CHI3L1: variants seen among roughly 807,000 people sequenced by gnomAD.
CHI3L1 encodes chitinase-3-like protein 1.
A neutral mutation model predicts 40.7 loss-of-function variants in CHI3L1; 30 were observed. That is an observed-to-expected ratio of 0.74 (90% CI 0.55 to 1.00). The LOEUF is 1.00. Ranked by LOEUF, CHI3L1 falls within the 50% of genes least tolerant of loss-of-function variation. The pLI is 0.00. For synonymous variants in CHI3L1, 210 were observed against 192.1 expected, an observed-to-expected ratio of 1.09 and a Z score of -0.77; for missense variants, 493 against 492.2, an observed-to-expected ratio of 1.00 and a Z score of -0.01.
At chr1:203,181,571 C>A in intron 6 of CHI3L1, 1 of 257,090 alleles carries the variant, frequency 3.9e-6, no homozygotes, top group South Asian at 5.0e-5. Flanking sequence ...TGCCACTGCA[C>A]TCCGGCCTGG....
Position 203,186,318 on chromosome 1 carries a change from C to T in CHI3L1, c.53G>A (p.Cys18Tyr), listed in dbSNP as rs750842129. ...TGFVVLVLLQ[C>Y]CSAYKLVCYY... ...GTGGAGGTGGAGGGATTACTCACAG[C>T]ACTGGAGCAGCACCAGGACCACAAA... Residue 18 changes from cysteine to tyrosine, a missense_variant and splice_region_variant, in exon 2 of 10, where the codon TGC becomes TAC. Coordinates refer to ENST00000255409, the MANE Select transcript of CHI3L1 (RefSeq NM_001276.4). 60 of 1,589,524 alleles carry T rather than the reference C, an allele frequency of 3.8e-5. No individual in the cohort carries two copies. Among genetic ancestry groups the T allele is most frequent in the Non-Finnish European group, 3.6e-5 (42 of 1,167,040 alleles).
In CHI3L1 at chr1:203,179,398, G is replaced by A; in HGVS notation, c.*47C>T. The A allele has an allele frequency of 6.7e-7, 1 of 1,490,552 alleles. No individual in the cohort carries two copies. Among genetic ancestry groups the A allele is most frequent in the African/African-American group, 1.4e-5 (1 of 71,282 alleles). The allele number at this position is 1,490,552 out of a possible 1,614,324, so 92.3% of individuals were successfully genotyped here. A position where few individuals can be genotyped will look rare whatever the true frequency, so the allele number is the denominator to read the frequency against. On this transcript the variant is annotated 3_prime_UTR_variant, in exon 10 of 10. Coordinates refer to ENST00000255409, the MANE Select transcript of CHI3L1 (RefSeq NM_001276.4). The stretch of plus-strand genomic sequence containing the variant: ...AGGCTCCCGGCCAGCTGGAGCCAGA[G>A]GGGGACGGGGCATCCTTGGCCCCCG...
chr1:203,185,466 G>C, intron 2 of CHI3L1, 81 bp from the exon 3 acceptor site: 1 of 1,246,254 alleles, frequency 8.0e-7, no homozygotes, highest in East Asian at 2.3e-5. Flanking sequence ...AGCACCAATG[G>C]GGTGTGGGGT....
chr1:203,185,145 C>T (rs1656028818), intron 3 of CHI3L1, 39 bp downstream of exon 3: 1 of 1,570,594 alleles, frequency 6.4e-7, no homozygotes. Flanking sequence ...TGGGACCAGC[C>T]CAGCTGGTCC....
chr1:203,185,291 G>A lies in CHI3L1; in HGVS notation c.150C>T (p.Leu50=), dbSNP rs867618704. ...CAAAGCTGTAGATGATGTGGGTACA[G>A]AGGAAGCGGTCAAGGGCATCTGGGA... ...SCFPDALDRF[L]CTHIIYSFAN... The change falls in exon 3 of 10, where the codon CTC becomes CTT. Residue 50 remains leucine, a synonymous_variant. Coordinates refer to ENST00000255409, the MANE Select transcript of CHI3L1 (RefSeq NM_001276.4). 6.2e-7 allele frequency: 1 copy of A among 1,614,234 alleles called. No homozygotes were observed. The highest frequency in any genetic ancestry group is 8.5e-7 in the Non-Finnish European group (1 of 1,180,032).
At position 203,184,621 on chromosome 1, in the gene CHI3L1, A is replaced by G; in HGVS notation, c.269T>C (p.Leu90Pro). Reference sequence around the variant, plus strand: ...TCCTCCGACAGACAAGAGAGTCTTCAGGTTGGGGTTCCTGTGGAGCACAGG... The same window carrying G: ...TCCTCCGACAGACAAGAGAGTCTTCGGGTTGGGGTTCCTGTGGAGCACAGG... ...LNTLKNRNPNLKTLLSVGGWN... is the reference protein window; with the variant it reads ...LNTLKNRNPNPKTLLSVGGWN... The change falls in exon 4 of 10, where the codon CTG (leucine) becomes CCG (proline). Residue 90 changes from leucine to proline, a missense_variant. Transcript: ENST00000255409. The G allele has an allele frequency of 6.2e-7, 1 of 1,613,964 alleles. No homozygotes were observed. The highest frequency in any genetic ancestry group is 8.5e-7 in the Non-Finnish European group (1 of 1,179,914).
Position 203,178,983 on chromosome 1 carries a change from G to A in CHI3L1, c.*462C>T, listed in dbSNP as rs1558147033. ...GCAGCTGTGGAATTAGGAAGGGGAA[G>A]TAGGATAGGGGACACGATTACGTTC... On this transcript the variant is annotated 3_prime_UTR_variant, in exon 10 of 10. Transcript: ENST00000255409. 2 of 155,476 alleles carry A rather than the reference G, an allele frequency of 1.3e-5. No homozygotes were observed. Among genetic ancestry groups the A allele is most frequent in the Non-Finnish European group, 2.8e-5 (2 of 70,190 alleles). 9.6% of individuals were successfully genotyped at this position (155,476 alleles called of 1,614,324 possible).
At chr1:203,183,845 T>C in intron 4 of CHI3L1, 54 bp from the exon 5 acceptor site, 1 of 1,603,546 alleles carries the variant, frequency 6.2e-7, no homozygotes, top group Non-Finnish European at 8.5e-7. Context: ...CTAGGTGCCT[T>C]GGGCCTCTGG....
At chr1:203,186,226 T>C (rs1038206704) in intron 2 of CHI3L1, 90 bp downstream of exon 2, 122 of 1,390,582 alleles carry the variant, frequency 8.8e-5, no homozygotes, top group Non-Finnish European at 1.2e-4. Context: ...CCTGGCAAAG[T>C]GTTCCCTTGG....
Position 203,181,217 on chromosome 1 carries a change from T to C in CHI3L1, c.656A>G (p.His219Arg), listed in dbSNP as rs1242619295. 1.2e-6 allele frequency: 2 copies of C among 1,614,138 alleles called. No individual in the cohort carries two copies. The highest frequency in any genetic ancestry group is 4.5e-5 in the East Asian group (2 of 44,888). The change falls in exon 7 of 10, where the codon CAC becomes CGC. Residue 219 changes from histidine to arginine, a missense_variant. His to Arg is a conservative substitution (Grantham distance 29). Transcript: ENST00000255409. ...HGAWRGTTGH[H>R]SPLFRGQEDA... ...CTCCTGACCTCGGAACAGGGGACTGTGATGGCCTGTGGTCCCACGCCAGGC... is the reference window on the plus strand; with the variant it reads ...CTCCTGACCTCGGAACAGGGGACTGCGATGGCCTGTGGTCCCACGCCAGGC...
In CHI3L1 at chr1:203,181,241, G is replaced by A. The variant is rs747195921; in HGVS notation, c.632C>T (p.Ala211Val). The A allele has an allele frequency of 1.9e-6, 3 of 1,613,932 alleles. No individual in the cohort carries two copies. In the African/African-American group the frequency reaches 4.0e-5, roughly 22 times the overall value. ...GTGATGGCCTGTGGTCCCACGCCAG[G>A]CTCCATGAAAATCGTAGGTCATGAT... ...ISIMTYDFHG[A>V]WRGTTGHHSP... The change falls in exon 7 of 10, where the codon GCC (alanine) becomes GTC (valine). Residue 211 changes from alanine (A) to valine (V), a missense_variant. Coordinates refer to ENST00000255409, the MANE Select transcript of CHI3L1 (RefSeq NM_001276.4).
chr1:203,185,085 G>A lies in CHI3L1; in HGVS notation c.257+99C>T. On this transcript the variant is annotated intron_variant, in intron 3 of 9. Coordinates refer to ENST00000255409, the MANE Select transcript of CHI3L1 (RefSeq NM_001276.4). The stretch of plus-strand genomic sequence containing the variant: ...AGCCCCTCTAACTCTCCAAACATAG[G>A]TGAGCAGGGTGGGGCCTCGCCCTTC... 4.2e-6 allele frequency: 4 copies of A among 956,984 alleles called. No individual in the cohort carries two copies. In the South Asian group the frequency reaches 5.7e-5, roughly 14 times the overall value. The allele number at this position is 956,984 out of a possible 1,614,324, so 59.3% of individuals were successfully genotyped here. A position where few individuals can be genotyped will look rare whatever the true frequency, so the allele number is the denominator to read the frequency against.
intron 8 of CHI3L1, 41 bp downstream of exon 8, chr1:203,180,429 G>A: frequency 6.7e-7 from 1 of 1,482,242 alleles, no homozygotes; most frequent in Non-Finnish European, 9.0e-7. Context: ...CAGGGCTGCT[G>A]GTGGTGTGGG....
At chr1:203,184,123 G>T (rs1382337392) in intron 4 of CHI3L1, among the ~76,000 whole-genome samples, 3 of 152,116 alleles carry the variant, frequency 2.0e-5, no homozygotes, top group African/African-American at 7.2e-5. Flanking sequence ...CAGGGTGCTG[G>T]ACACAGAAAG....
At chr1:203,186,228 T>C in intron 2 of CHI3L1, 88 bp downstream of exon 2, 1 of 1,411,754 alleles carries the variant, frequency 7.1e-7, no homozygotes, top group Non-Finnish European at 9.8e-7. Context: ...TGGCAAAGTG[T>C]TCCCTTGGAG....
At position 203,184,627 on chromosome 1, in the gene CHI3L1, G is replaced by A; in HGVS notation, c.263C>T (p.Pro88Leu). The change falls in exon 4 of 10, where the codon CCC (proline) becomes CTC (leucine). Residue 88 changes from proline (P) to leucine (L), a missense_variant. Physicochemically the swap from Pro to Leu is moderately conservative, Grantham distance 98. Coordinates refer to ENST00000255409, the MANE Select transcript of CHI3L1 (RefSeq NM_001276.4). ...GMLNTLKNRN[P>L]NLKTLLSVGG... Reference sequence around the variant, plus strand: ...GACAGACAAGAGAGTCTTCAGGTTGGGGTTCCTGTGGAGCACAGGGAGGTG... The same window carrying A: ...GACAGACAAGAGAGTCTTCAGGTTGAGGTTCCTGTGGAGCACAGGGAGGTG... The A allele has an allele frequency of 1.2e-6, 2 of 1,613,942 alleles. No homozygotes were observed. The highest frequency in any genetic ancestry group is 1.7e-6 in the Non-Finnish European group (2 of 1,179,866).
At chr1:203,181,359 A>G (rs1655933764) in intron 6 of CHI3L1, 74 bp from the exon 7 acceptor site, 2 of 1,531,686 alleles carry the variant, frequency 1.3e-6, no homozygotes, top group Non-Finnish European at 1.8e-6. Flanking sequence ...GTGGTGGCTC[A>G]TACCTGGAAT....
At chr1:203,186,272 G>C in intron 2 of CHI3L1, 44 bp downstream of exon 2, 1 of 1,561,158 alleles carries the variant, frequency 6.4e-7, no homozygotes, top group South Asian at 1.2e-5. Flanking sequence ...CTGTGCCCTC[G>C]CCACGCCTCT....
chr1:203,181,524 G>A, intron 6 of CHI3L1: 1 of 348,438 alleles, frequency 2.9e-6, no homozygotes, highest in South Asian at 3.2e-5. Context: ...GGGAGGCTGA[G>A]GCAGGAGAAT....
Sources: gnomAD v4.1 joint callset for allele counts (sites outside exome capture counted in the v4.1 genomes callset) on GRCh38, gnomAD v4.1.1 for gene constraint, MANE v1.5 for transcripts, NCBI Gene and HGNC (gene_info 2026-07-23, HGNC 2026-07-21) for gene names.